Variants in TRIL observed in about 807,000 individuals in gnomAD.
TRIL encodes TLR4 interactor with leucine rich repeats.
TRIL carries 23 observed loss-of-function variants against 43.0 expected under a neutral mutation model. That is an observed-to-expected ratio of 0.54 (90% CI 0.39 to 0.76). TRIL has a LOEUF of 0.76. TRIL is among the 30% of genes least tolerant of loss of function. The probability of loss-of-function intolerance (pLI) is 0.00; values close to 1 mark genes in which losing one functional copy is unlikely to be tolerated. For synonymous variants in TRIL, 602 were observed against 556.8 expected (o/e 1.08, Z -1.14); for missense variants, 1,114 against 1,139.3 (o/e 0.98, Z 0.32).
At position 28,958,203 on chromosome 7, in the gene TRIL, G is replaced by C; in HGVS notation, c.-157C>G. 5.3e-6 allele frequency: 6 copies of C among 1,141,902 alleles called. No homozygotes were observed. The highest frequency in any genetic ancestry group is 1.9e-5 in the South Asian group (1 of 53,896). The allele number at this position is 1,141,902 out of a possible 1,614,324, so 70.7% of individuals were successfully genotyped here. A position where few individuals can be genotyped will look rare whatever the true frequency, so the allele number is the denominator to read the frequency against. On this transcript the variant is annotated 5_prime_UTR_variant, in exon 1 of 1. Transcript: ENST00000539664. ...CTCCTCCGTCCTTTGTCCGGAGGCC[G>C]GCCCGGGTCTCTGCAGGCGGGCTTC...
At position 28,957,711 on chromosome 7, in the gene TRIL, C is replaced by T. The variant is rs749769347; in HGVS notation, c.336G>A (p.Leu112=). Residue 112 remains leucine, a synonymous_variant, in exon 1 of 1, where the codon CTG becomes CTA. Transcript: ENST00000539664. ...TFEKLSRLEE[L]YLGNNLLQAL... ...CCTGCAAGAGGTTGTTCCCCAGGTACAGCTCTTCCAGCCGCGAGAGCTTCT... is the reference window on the plus strand; with the variant it reads ...CCTGCAAGAGGTTGTTCCCCAGGTATAGCTCTTCCAGCCGCGAGAGCTTCT... The T allele has an allele frequency of 2.7e-5, 44 of 1,611,870 alleles. No homozygotes were observed. The East Asian group carries it at 6.2e-4, about 23-fold the overall frequency.
Position 28,955,901 on chromosome 7 carries a change from C to G in TRIL, c.2146G>C (p.Ala716Pro). The G allele has an allele frequency of 6.4e-7, 1 of 1,551,396 alleles. No individual in the cohort carries two copies. The highest frequency in any genetic ancestry group is 8.7e-7 in the Non-Finnish European group (1 of 1,148,818). Reference sequence around the variant, plus strand: ...CTACGCAGCCAGCGAGACGCCCAGGCCGCCAAGGCCAGGAGCACCAGCAGC... The same window carrying G: ...CTACGCAGCCAGCGAGACGCCCAGGGCGCCAAGGCCAGGAGCACCAGCAGC... ...NALLVLLALA[A>P]WASRWLRRKL... The change falls in exon 1 of 1, where the codon GCC becomes CCC. Residue 716 changes from alanine (A) to proline (P), a missense_variant. Physicochemically the swap from Ala to Pro is conservative, Grantham distance 27. Transcript: ENST00000539664.
Position 28,955,796 on chromosome 7 carries a change from T to G in TRIL, c.2251A>C (p.Met751Leu). ...MYSTRRPLRS[M>L]GTGVSADFSG... is the part of the protein sequence containing the mutation. ...AAGTCGGCGGACACGCCGGTGCCCA[T>G]GGAGCGCAGGGGCCGTCGGGTGGAG... Residue 751 changes from methionine to leucine, a missense_variant, in exon 1 of 1, where the codon ATG becomes CTG. Transcript: ENST00000539664. The G allele has an allele frequency of 1.3e-6, 2 of 1,550,054 alleles. No homozygotes were observed. The highest frequency in any genetic ancestry group is 1.7e-6 in the Non-Finnish European group (2 of 1,146,792).
chr7:28,955,591 G>A lies in TRIL; in HGVS notation c.*20C>T. ...GGCGGCTCCTTAGGGCCAATGAGAT[G>A]GTCTCTATATGCCCTGGACCTAGTC... On this transcript the variant is annotated 3_prime_UTR_variant, in exon 1 of 1. Coordinates refer to ENST00000539664, the MANE Select transcript of TRIL (RefSeq NM_014817.4). 6.7e-7 allele frequency: 1 copy of A among 1,497,632 alleles called. No homozygotes were observed. Among genetic ancestry groups the A allele is most frequent in the Non-Finnish European group, 8.9e-7 (1 of 1,122,840 alleles). The allele number at this position is 1,497,632 out of a possible 1,614,324, so 92.8% of individuals were successfully genotyped here.
rs762146912 is a variant in TRIL at position 28,957,297 on chromosome 7, C to G, written c.750G>C (p.Gln250His). 1.2e-6 allele frequency: 2 copies of G among 1,610,766 alleles called. No individual in the cohort carries two copies. The highest frequency in any genetic ancestry group is 2.2e-5 in the South Asian group (2 of 91,056). The stretch of plus-strand genomic sequence containing the variant: ...AGAGCAGGCCGAGACGTGGCAGGTG[C>G]TGGAAGATGCGCGGCCCGAGGTGCT... ...NLQHLGPRIFQHLPRLGLLSL... is the reference protein window; with the variant it reads ...NLQHLGPRIFHHLPRLGLLSL... Residue 250 changes from glutamine to histidine, a missense_variant, in exon 1 of 1, where the codon CAG becomes CAC. By Grantham distance (24) the Gln-to-His change is conservative. Transcript: ENST00000539664.
Position 28,956,325 on chromosome 7 carries a change from C to G in TRIL, c.1722G>C (p.Pro574=). ...TGAAGTCGCATGGGTCGGACACCAG[C>G]GGCGGCAGCCCGGCCCCACCGTCGG... ...AQSDGGAGLP[P]LVSDPCDFNK... is the part of the protein sequence containing the mutation. Residue 574 remains proline (P), a synonymous_variant, in exon 1 of 1, where the codon CCG becomes CCC. Coordinates refer to ENST00000539664, the MANE Select transcript of TRIL (RefSeq NM_014817.4). 3 of 1,534,434 alleles carry G rather than the reference C, an allele frequency of 2.0e-6. No homozygotes were observed. The highest frequency in any genetic ancestry group is 2.6e-6 in the Non-Finnish European group (3 of 1,146,726).
In TRIL at chr7:28,958,160, C is replaced by G. The variant is rs538903688; in HGVS notation, c.-114G>C. ...TCGCTAAATGGCCTCTTTCGGACTT[C>G]GCAGCGCCGTCCAGCCCCTCCTCCG... is the stretch of plus-strand genomic sequence containing the variant. On this transcript the variant is annotated 5_prime_UTR_variant, in exon 1 of 1. Transcript: ENST00000539664. 15,590 of 1,357,842 alleles carry G rather than the reference C, an allele frequency of 0.011. 137 individuals are homozygous for G. The highest frequency in any genetic ancestry group is 0.02 in the Middle Eastern group (75 of 3,692). 84.1% of individuals were successfully genotyped at this position (1,357,842 alleles called of 1,614,324 possible). A position where few individuals can be genotyped will look rare whatever the true frequency, so the allele number is the denominator to read the frequency against.
Position 28,955,452 on chromosome 7 carries a change from G to C in TRIL, c.*159C>G. 9.2e-7 allele frequency: 1 copy of C among 1,085,734 alleles called. No homozygotes were observed. The allele number at this position is 1,085,734 out of a possible 1,614,324, so 67.3% of individuals were successfully genotyped here. On this transcript the variant is annotated 3_prime_UTR_variant, in exon 1 of 1. Coordinates refer to ENST00000539664, the MANE Select transcript of TRIL (RefSeq NM_014817.4). Reference sequence around the variant, plus strand: ...ACCAAGTACCATCCATTTACTTCTCGAGTATTGGGAATTGGGGGATGGTGC... The same window carrying C: ...ACCAAGTACCATCCATTTACTTCTCCAGTATTGGGAATTGGGGGATGGTGC...
chr7:28,956,042 C>G lies in TRIL; in HGVS notation c.2005G>C (p.Val669Leu). The G allele has an allele frequency of 1.3e-6, 2 of 1,549,984 alleles. No homozygotes were observed. Among genetic ancestry groups the G allele is most frequent in the Non-Finnish European group, 1.7e-6 (2 of 1,152,214 alleles). Residue 669 changes from valine (V) to leucine (L), a missense_variant, in exon 1 of 1, where the codon GTC becomes CTC. Physicochemically the swap from Val to Leu is conservative, Grantham distance 32. Transcript: ENST00000539664. ...TGGTCCCGGGGAGCCACAGGGCAGA[C>G]ACGGCCCCCAAGCACGCCCTCCACG... is the stretch of plus-strand genomic sequence containing the variant. ...VCVEGVLGGR[V>L]CPVAPRDHCA...
chr7:28,955,448 T>G lies in TRIL; in HGVS notation c.*163A>C. The stretch of plus-strand genomic sequence containing the variant: ...GACCACCAAGTACCATCCATTTACT[T>G]CTCGAGTATTGGGAATTGGGGGATG... On this transcript the variant is annotated 3_prime_UTR_variant, in exon 1 of 1. Transcript: ENST00000539664. 1 of 1,053,830 alleles carries G rather than the reference T, an allele frequency of 9.5e-7. No individual in the cohort carries two copies. Among genetic ancestry groups the G allele is most frequent in the Non-Finnish European group, 1.3e-6 (1 of 756,016 alleles). 65.3% of individuals were successfully genotyped at this position (1,053,830 alleles called of 1,614,324 possible). A position where few individuals can be genotyped will look rare whatever the true frequency, so the allele number is the denominator to read the frequency against.
chr7:28,957,311 G>T lies in TRIL; in HGVS notation c.736C>A (p.Pro246Thr). Residue 246 changes from proline (P) to threonine (T), a missense_variant, in exon 1 of 1, where the codon CCG becomes ACG. Transcript: ENST00000539664. Reference protein sequence around the residue: ...LSANNLQHLGPRIFQHLPRLG... With the variant: ...LSANNLQHLGTRIFQHLPRLG... ...CGTGGCAGGTGCTGGAAGATGCGCG[G>T]CCCGAGGTGCTGCAGGTTGTTGGCC... 6.2e-7 allele frequency: 1 copy of T among 1,611,248 alleles called. No individual in the cohort carries two copies. The highest frequency in any genetic ancestry group is 8.5e-7 in the Non-Finnish European group (1 of 1,179,208).
chr7:28,958,110 T>A lies in TRIL; in HGVS notation c.-64A>T. 1 of 1,456,040 alleles carries A rather than the reference T, an allele frequency of 6.9e-7. No homozygotes were observed. The highest frequency in any genetic ancestry group is 9.0e-7 in the Non-Finnish European group (1 of 1,107,864). The allele number at this position is 1,456,040 out of a possible 1,614,324, so 90.2% of individuals were successfully genotyped here. Reference sequence around the variant, plus strand: ...TGGCCCGCCGGCTCTGTGTCTCCTCTGCATTCCCCTTAGCCTGGCCAGAGT... The same window carrying A: ...TGGCCCGCCGGCTCTGTGTCTCCTCAGCATTCCCCTTAGCCTGGCCAGAGT... On this transcript the variant is annotated 5_prime_UTR_variant, in exon 1 of 1. Transcript: ENST00000539664.
Position 28,956,773 on chromosome 7 carries a change from G to A in TRIL, c.1274C>T (p.Ala425Val). 1 of 1,609,510 alleles carries A rather than the reference G, an allele frequency of 6.2e-7. No individual in the cohort carries two copies. The highest frequency in any genetic ancestry group is 1.1e-5 in the South Asian group (1 of 90,918). The change falls in exon 1 of 1, where the codon GCT becomes GTT. Residue 425 changes from alanine to valine, a missense_variant. Coordinates refer to ENST00000539664, the MANE Select transcript of TRIL (RefSeq NM_014817.4). The stretch of plus-strand genomic sequence containing the variant: ...GGGTAGGGGCTGCCGCCTGCGGTCA[G>A]CGGTCAGGGAAGCTGAGGGCGAGGG... ...ADPSPSASLT[A>V]DRRRQPLPTA... is the part of the protein sequence containing the mutation.
rs1783406380 is a variant in TRIL at position 28,956,548 on chromosome 7, G to A, written c.1499C>T (p.Ala500Val). The A allele has an allele frequency of 2.6e-6, 4 of 1,555,588 alleles. No individual in the cohort carries two copies. The South Asian group carries it at 3.5e-5, about 14-fold the overall frequency. ...GGACTGTGGAGCCGGGCCCGCGGCG[G>A]CAGCGACGGAGGGGCTGGGCTGCTG... ...GLQQPSPSVA[A>V]AAGPAPQSLD... is the part of the protein sequence containing the mutation. Residue 500 changes from alanine (A) to valine (V), a missense_variant, in exon 1 of 1, where the codon GCC (alanine) becomes GTC (valine). By Grantham distance (64) the Ala-to-Val change is moderately conservative. Coordinates refer to ENST00000539664, the MANE Select transcript of TRIL (RefSeq NM_014817.4).
chr7:28,957,252 G>C lies in TRIL; in HGVS notation c.795C>G (p.Leu265=). The change falls in exon 1 of 1, where the codon CTC becomes CTG. Residue 265 remains leucine (L), a synonymous_variant. Coordinates refer to ENST00000539664, the MANE Select transcript of TRIL (RefSeq NM_014817.4). ...AAAAGGCCTCAGGCGCGAGGTGCGT[G>C]AGCTGGTTGCCCCTGAGCGAGAGCA... ...LGLLSLRGNQ[L]THLAPEAFWG... The C allele has an allele frequency of 6.2e-7, 1 of 1,608,432 alleles. No individual in the cohort carries two copies. The highest frequency in any genetic ancestry group is 1.1e-5 in the South Asian group (1 of 90,938).
In TRIL at chr7:28,957,300, G is replaced by C. The variant is rs767959663; in HGVS notation, c.747C>G (p.Phe249Leu). The change falls in exon 1 of 1, where the codon TTC (phenylalanine) becomes TTG (leucine). Residue 249 changes from phenylalanine (F) to leucine (L), a missense_variant. Phe to Leu is a conservative substitution (Grantham distance 22). Coordinates refer to ENST00000539664, the MANE Select transcript of TRIL (RefSeq NM_014817.4). ...NNLQHLGPRI[F>L]QHLPRLGLLS... ...GCAGGCCGAGACGTGGCAGGTGCTG[G>C]AAGATGCGCGGCCCGAGGTGCTGCA... The C allele has an allele frequency of 6.2e-7, 1 of 1,610,944 alleles. No individual in the cohort carries two copies.
Position 28,958,004 on chromosome 7 carries a change from C to T in TRIL, c.43G>A (p.Gly15Ser), listed in dbSNP as rs761466591. The change falls in exon 1 of 1, where the codon GGC (glycine) becomes AGC (serine). Residue 15 changes from glycine (G) to serine (S), a missense_variant. Transcript: ENST00000539664. ...RALRLLLVVC[G>S]CLALPPLAEP... ...GCCAGCGGCGGGAGCGCGAGGCAGC[C>T]GCACACCACGAGCAGGAGGCGCAAG... 1.9e-6 allele frequency: 3 copies of T among 1,594,250 alleles called. No homozygotes were observed. The highest frequency in any genetic ancestry group is 8.5e-7 in the Non-Finnish European group (1 of 1,176,388).
Position 28,957,396 on chromosome 7 carries a change from G to A in TRIL, c.651C>T (p.Pro217=). 1 of 1,613,532 alleles carries A rather than the reference G, an allele frequency of 6.2e-7. No individual in the cohort carries two copies. The highest frequency in any genetic ancestry group is 8.5e-7 in the Non-Finnish European group (1 of 1,179,868). ...FLNLSANELQ[P]SLRHAATFAP... is the part of the protein sequence containing the mutation. ...CGAAGGTGGCCGCGTGGCGCAGGGA[G>A]GGCTGTAGCTCGTTGGCAGAGAGGT... Residue 217 remains proline (P), a synonymous_variant, in exon 1 of 1, where the codon CCC becomes CCT. Transcript: ENST00000539664.
In TRIL at chr7:28,955,370, C is replaced by T. The variant is rs992783171; in HGVS notation, c.*241G>A. The stretch of plus-strand genomic sequence containing the variant: ...GCATAGCTGTGTCAAAGCCTCCAAG[C>T]GAAGCCTCCGACCTCAGCATCCCAC... On this transcript the variant is annotated 3_prime_UTR_variant, in exon 1 of 1. Transcript: ENST00000539664. The T allele has an allele frequency of 1.2e-5, 7 of 563,366 alleles. No homozygotes were observed. Among genetic ancestry groups the T allele is most frequent in the South Asian group, 1.0e-4 (3 of 29,986 alleles). 34.9% of individuals were successfully genotyped at this position (563,366 alleles called of 1,614,324 possible).
Sources: gnomAD v4.1 joint callset for allele counts on GRCh38, gnomAD v4.1.1 for gene constraint, MANE v1.5 for transcripts, NCBI Gene and HGNC (gene_info 2026-07-23, HGNC 2026-07-21) for gene names.